Variants in SLC22A16 observed in about 807,000 individuals in gnomAD.
The protein encoded by SLC22A16 is solute carrier family 22 member 16, also known as WUGSC:RG331P03.1.
SLC22A16 carries 53 observed loss-of-function variants against 52.9 expected under a neutral mutation model. The ratio of observed to expected loss-of-function variants is 1.00; its 90% CI spans 0.80 to 1.26. The LOEUF (loss-of-function observed/expected upper bound fraction) is 1.26. Among genes scored for constraint, SLC22A16 ranks in the 50% most tolerant of loss-of-function variants. The pLI is 0.00. For missense variants in SLC22A16, 726 were observed against 704.0 expected (o/e 1.03, Z -0.35); for synonymous variants, 291 against 268.8 (o/e 1.08, Z -0.81).
chr6:110,476,507 G>C lies in SLC22A16; in HGVS notation c.53+15C>G, dbSNP rs62421710. ...GCCGCCTCCCGCGTGGCGCCGCGGG[G>C]CCCCTCCCCCATACCTGCCGAAGTG... On this transcript the variant is annotated intron_variant, in intron 1 of 7. Transcript: ENST00000368919. 1.9e-6 allele frequency: 2 copies of C among 1,073,394 alleles called. No individual in the cohort carries two copies. Among genetic ancestry groups the C allele is most frequent in the Admixed American group, 4.4e-5 (1 of 22,772 alleles). 66.5% of individuals were successfully genotyped at this position (1,073,394 alleles called of 1,614,324 possible).
chr6:110,439,001 C>T (rs765162337), intron 4 of SLC22A16, among the ~76,000 whole-genome samples, 154 bp from the exon 5 acceptor site: 3 of 152,240 alleles, frequency 2.0e-5, no homozygotes, highest in Non-Finnish European at 4.4e-5. Flanking sequence ...AGGCAGCCAG[C>T]CCCGCCACTT....
intron 2 of SLC22A16, among the ~76,000 whole-genome samples, chr6:110,447,799 G>C (rs541371809): frequency 5.9e-4 from 90 of 152,292 alleles, no homozygotes; most frequent in African/African-American, 1.8e-3. Context: ...CCTAGCATTA[G>C]ATTTTCCAGC....
At chr6:110,438,971 A>G (rs965204870) in intron 4 of SLC22A16, 124 bp from the exon 5 acceptor site, 63 of 1,213,140 alleles carry the variant, frequency 5.2e-5, no homozygotes, top group Non-Finnish European at 6.3e-5. Context: ...GCCTTTAGAA[A>G]CTCTCTAAGA....
At chr6:110,447,101 T>C (rs1775207155) in intron 2 of SLC22A16, 111 bp from the exon 3 acceptor site, 4 of 770,102 alleles carry the variant, frequency 5.2e-6, no homozygotes, top group South Asian at 1.8e-5. Flanking sequence ...GAATAGCTTA[T>C]GTATTGATTG....
chr6:110,431,282 G>C lies in SLC22A16; in HGVS notation c.1422-12C>G, dbSNP rs372547348. ...CCACAGCCAGCGATCTGGAAACAGAGGAGAGAGGCTGAGACAAGTAAGGCA... is the reference window on the plus strand; with the variant it reads ...CCACAGCCAGCGATCTGGAAACAGACGAGAGAGGCTGAGACAAGTAAGGCA... On this transcript the variant is annotated splice_polypyrimidine_tract_variant and intron_variant, in intron 6 of 7. Coordinates refer to ENST00000368919, the MANE Select transcript of SLC22A16 (RefSeq NM_033125.4). The C allele has an allele frequency of 6.2e-7, 1 of 1,609,656 alleles. No homozygotes were observed. Among genetic ancestry groups the C allele is most frequent in the East Asian group, 2.2e-5 (1 of 44,860 alleles).
intron 1 of SLC22A16, among the ~76,000 whole-genome samples, chr6:110,472,090 C>T (rs1175947503): frequency 6.6e-6 from 1 of 152,222 alleles, no homozygotes; most frequent in Admixed American, 6.5e-5. Context: ...AAACCAATCT[C>T]AAACTGAGCT....
chr6:110,438,349 A>T (rs1774817552), intron 5 of SLC22A16, among the ~76,000 whole-genome samples: 1 of 152,036 alleles, frequency 6.6e-6, no homozygotes, highest in South Asian at 2.1e-4. Context: ...TTTTGAGATG[A>T]GTTCTCACTC....
At chr6:110,447,898 T>C (rs1190730787) in intron 2 of SLC22A16, among the ~76,000 whole-genome samples, 1 of 152,268 alleles carries the variant, frequency 6.6e-6, no homozygotes, top group East Asian at 1.9e-4. Context: ...TTTTATCTAT[T>C]CATCAGTTGA....
rs761730512 is a variant in SLC22A16 at position 110,435,925 on chromosome 6, C to T, written c.1348G>A (p.Gly450Arg). The T allele has an allele frequency of 6.2e-7, 1 of 1,613,858 alleles. No individual in the cohort carries two copies. Among genetic ancestry groups the T allele is most frequent in the South Asian group, 1.1e-5 (1 of 91,042 alleles). Residue 450 changes from glycine (G) to arginine (R), a missense_variant, in exon 6 of 8, where the codon GGA (glycine) becomes AGA (arginine). Transcript: ENST00000368919. ...AATGCTGCCCCGATGGCAAATTTTC[C>T]AACCATAGCTGTCACCACACCCAAA... Reference protein sequence around the residue: ...YILGVVTAMVGKFAIGAAFGL... With the variant: ...YILGVVTAMVRKFAIGAAFGL...
At chr6:110,467,738 T>C (rs551371278) in intron 1 of SLC22A16, among the ~76,000 whole-genome samples, 2 of 152,346 alleles carry the variant, frequency 1.3e-5, no homozygotes, top group African/African-American at 2.4e-5. Flanking sequence ...AAAGTGAACA[T>C]GTATACACAC....
At chr6:110,460,016 ACAGAAT>A (rs1240725350) in intron 1 of SLC22A16, among the ~76,000 whole-genome samples, 1 of 152,188 alleles carries the variant, frequency 6.6e-6, no homozygotes, top group African/African-American at 2.4e-5. Flanking sequence ...TAGATTGAAA[ACAGAAT>A]CAGTTAAGGC....
chr6:110,445,324 T>A (rs28411033), intron 3 of SLC22A16, among the ~76,000 whole-genome samples: 5 of 152,216 alleles, frequency 3.3e-5, no homozygotes, highest in South Asian at 2.1e-4. Flanking sequence ...TCCCTCACAG[T>A]GAGAAAACCC....
intron 1 of SLC22A16, among the ~76,000 whole-genome samples, chr6:110,471,606 A>G (rs760998893): frequency 7.2e-5 from 11 of 152,368 alleles, no homozygotes; most frequent in Middle Eastern, 3.4e-3. Flanking sequence ...ACAGTGTGGA[A>G]CAAAAGAAGC....
intron 6 of SLC22A16, among the ~76,000 whole-genome samples, chr6:110,433,214 A>C (rs911380882): frequency 6.6e-6 from 1 of 152,192 alleles, no homozygotes; most frequent in African/African-American, 2.4e-5. Context: ...CTGCTATTCT[A>C]TACCCCTGGT....
chr6:110,438,898 G>C (rs371432244), intron 4 of SLC22A16, 51 bp from the exon 5 acceptor site: 38 of 1,603,488 alleles, frequency 2.4e-5, no homozygotes, highest in Non-Finnish European at 3.2e-5. Flanking sequence ...GACTGCAAAA[G>C]GGGACCCCCG....
At chr6:110,467,413 A>T (rs1263233460) in intron 1 of SLC22A16, among the ~76,000 whole-genome samples, 1 of 152,210 alleles carries the variant, frequency 6.6e-6, no homozygotes, top group Non-Finnish European at 1.5e-5. Context: ...ACACCAGGTG[A>T]ATGTTTTCTA....
Position 110,476,514 on chromosome 6 carries a change from C to T in SLC22A16, c.53+8G>A. The stretch of plus-strand genomic sequence containing the variant: ...CCCGCGTGGCGCCGCGGGGCCCCTC[C>T]CCCATACCTGCCGAAGTGCCCCACG... On this transcript the variant is annotated splice_region_variant and intron_variant, in intron 1 of 7. Transcript: ENST00000368919. The T allele has an allele frequency of 6.9e-7, 1 of 1,449,184 alleles. No individual in the cohort carries two copies. The highest frequency in any genetic ancestry group is 9.3e-7 in the Non-Finnish European group (1 of 1,079,314). The allele number at this position is 1,449,184 out of a possible 1,614,324, so 89.8% of individuals were successfully genotyped here.
At chr6:110,466,970 T>TA (rs1554228477) in intron 1 of SLC22A16, among the ~76,000 whole-genome samples, 2 of 149,198 alleles carry the variant, frequency 1.3e-5, no homozygotes, top group East Asian at 3.9e-4. Context: ...GATAGATAGA[T>TA]AATCTGCATT....
chr6:110,428,195 C>A (rs1774351385), intron 7 of SLC22A16, among the ~76,000 whole-genome samples: 1 of 152,056 alleles, frequency 6.6e-6, no homozygotes, highest in South Asian at 2.1e-4. Flanking sequence ...AATGAAAACA[C>A]TGGCTCCCCA....
Sources: gnomAD v4.1 joint callset for allele counts (sites outside exome capture counted in the v4.1 genomes callset) on GRCh38, gnomAD v4.1.1 for gene constraint, MANE v1.5 for transcripts, NCBI Gene and HGNC (gene_info 2026-07-23, HGNC 2026-07-21) for gene names.